Variants in CASD1 observed in about 807,000 individuals in gnomAD.
CASD1 encodes the protein CAS1 domain sialic acid O acetyltransferase 1, also known as N-acetylneuraminate (7)9-O-acetyltransferase.
CASD1 carries 41 observed loss-of-function variants against 100.0 expected under a neutral mutation model. The ratio of observed to expected loss-of-function variants is 0.41; its 90% CI spans 0.32 to 0.53. CASD1 has a LOEUF of 0.53. Ranked by LOEUF, CASD1 falls within the 20% of genes least tolerant of loss-of-function variation. The probability of loss-of-function intolerance (pLI) is 0.25; values close to 1 mark genes in which losing one functional copy is unlikely to be tolerated. For synonymous variants in CASD1, 321 were observed against 315.6 expected (o/e 1.02, Z -0.18); for missense variants, 774 against 948.7 (o/e 0.82, Z 2.42).
chr7:94,533,263 T>A lies in CASD1; in HGVS notation c.504+14T>A. 6.2e-7 allele frequency: 1 copy of A among 1,600,962 alleles called. No individual in the cohort carries two copies. Among genetic ancestry groups the A allele is most frequent in the Non-Finnish European group, 8.5e-7 (1 of 1,170,652 alleles). On this transcript the variant is annotated intron_variant, in intron 6 of 17. Coordinates refer to ENST00000297273, the MANE Select transcript of CASD1 (RefSeq NM_022900.5). The stretch of plus-strand genomic sequence containing the variant: ...GGAGCTGCCACAGTAAGTTATCATC[T>A]GTATTCTTACTTAATGATTTTGTTT...
At chr7:94,594,405 G>A in the CASD1 span, 1 of 152,018 alleles carries the variant, frequency 6.6e-6, no homozygotes, top group Non-Finnish European at 1.5e-5. Context: ...TACTATATGA[G>A]GGCATGAGGG....
chr7:94,519,424 A>G (rs1054111163), intron 3 of CASD1, among the ~76,000 whole-genome samples: 2 of 152,186 alleles, frequency 1.3e-5, no homozygotes, highest in Admixed American at 6.5e-5. Flanking sequence ...AAAACTTAAG[A>G]GCCTTCACAG....
chr7:94,618,816 T>C, the CASD1 span: 2 of 1,614,068 alleles, frequency 1.2e-6, no homozygotes, highest in Non-Finnish European at 1.7e-6. Flanking sequence ...AGGGCCGATG[T>C]GATGTTTATG....
the CASD1 span, among the ~76,000 whole-genome samples, chr7:94,605,401 C>T: frequency 6.6e-6 from 1 of 152,080 alleles, no homozygotes. Context: ...CTTAATTGAT[C>T]TAACAGATAA....
intron 3 of CASD1, among the ~76,000 whole-genome samples, chr7:94,526,221 T>A (rs1794557778): frequency 6.6e-6 from 1 of 152,216 alleles, no homozygotes; most frequent in African/African-American, 2.4e-5. Flanking sequence ...TTGCATGTCC[T>A]AGGTGGGCTG....
intron 1 of CASD1, 64 bp downstream of exon 1, chr7:94,510,281 G>A (rs757502477): frequency 8.0e-7 from 1 of 1,255,364 alleles, no homozygotes; most frequent in Non-Finnish European, 1.0e-6. Flanking sequence ...GCGGCTGGAG[G>A]CCGCCCCCAT....
intron 10 of CASD1, among the ~76,000 whole-genome samples, chr7:94,541,074 C>G (rs1795368976): frequency 6.6e-6 from 1 of 151,960 alleles, no homozygotes; most frequent in Admixed American, 6.6e-5. Context: ...AATCTGTGTT[C>G]TGGAAGGACA....
the CASD1 span, among the ~76,000 whole-genome samples, chr7:94,602,764 T>A: frequency 6.6e-6 from 1 of 152,146 alleles, no homozygotes; most frequent in African/African-American, 2.4e-5. Flanking sequence ...AAAATGTGAT[T>A]TGGAAAGAAA....
At chr7:94,540,355 T>G (rs747816650) in intron 10 of CASD1, among the ~76,000 whole-genome samples, 3 of 152,168 alleles carry the variant, frequency 2.0e-5, no homozygotes, top group African/African-American at 4.8e-5. Flanking sequence ...GAAAGGAGTA[T>G]TTTGAAGATT....
At position 94,556,925 on chromosome 7, in the gene CASD1, T is replaced by TA. The variant is rs1796229510; in HGVS notation, c.*1168dup. 6.6e-6 allele frequency: 1 copy of TA among 152,092 alleles called. No homozygotes were observed. Among genetic ancestry groups the TA allele is most frequent in the Admixed American group, 6.6e-5 (1 of 15,262 alleles). 9.4% of individuals were successfully genotyped at this position (152,092 alleles called of 1,614,324 possible). The stretch of plus-strand genomic sequence containing the variant: ...ATTTTCTGTTCACAGTATATGAAAA[T>TA]ATGGAGTAATTTAAACAGTAAATAA... On this transcript the variant is annotated 3_prime_UTR_variant, in exon 18 of 18. Transcript: ENST00000297273.
chr7:94,615,577 T>C, the CASD1 span, among the ~76,000 whole-genome samples: 1 of 152,090 alleles, frequency 6.6e-6, no homozygotes, highest in Non-Finnish European at 1.5e-5. Flanking sequence ...GCCTTTGACA[T>C]ACAGCAAAAA....
At chr7:94,574,668 C>CA in the CASD1 span, among the ~76,000 whole-genome samples, 345 of 134,354 alleles carry the variant, frequency 2.6e-3, no homozygotes, top group Admixed American at 4.9e-3. Flanking sequence ...TGATTTTTTT[C>CA]AAAAAAAAAA....
the CASD1 span, among the ~76,000 whole-genome samples, chr7:94,593,565 A>G: frequency 6.6e-6 from 1 of 152,006 alleles, no homozygotes; most frequent in Non-Finnish European, 1.5e-5. Flanking sequence ...TTCCCCAAGC[A>G]TAAGACTACA....
At chr7:94,528,822 C>CT (rs1405562008) in intron 5 of CASD1, among the ~76,000 whole-genome samples, 9 of 152,146 alleles carry the variant, frequency 5.9e-5, no homozygotes, top group Admixed American at 2.0e-4. Context: ...TCCATACAGT[C>CT]TGTCAGTCCT....
At chr7:94,526,669 T>C (rs1731269796) in intron 3 of CASD1, among the ~76,000 whole-genome samples, 1 of 152,164 alleles carries the variant, frequency 6.6e-6, no homozygotes, top group African/African-American at 2.4e-5. Context: ...GGCGTGCACC[T>C]GTGGTCCTAG....
At chr7:94,621,060 A>C in the CASD1 span, 1 of 152,288 alleles carries the variant, frequency 6.6e-6, no homozygotes, top group South Asian at 2.1e-4. Context: ...CTACATGACT[A>C]ATTTCCCATT....
At chr7:94,572,762 T>C in the CASD1 span, among the ~76,000 whole-genome samples, 1 of 152,168 alleles carries the variant, frequency 6.6e-6, no homozygotes, top group African/African-American at 2.4e-5. Context: ...TTTTTTGCTT[T>C]TGTTTTGATT....
At chr7:94,628,251 A>G in the CASD1 span, 1 of 1,612,110 alleles carries the variant, frequency 6.2e-7, no homozygotes, top group South Asian at 1.1e-5. Context: ...GGACCCATAT[A>G]GGACTCCATC....
At chr7:94,599,688 G>A in the CASD1 span, 4 of 1,609,062 alleles carry the variant, frequency 2.5e-6, no homozygotes, top group South Asian at 2.2e-5. Context: ...CAGGAAAGAA[G>A]ACACTTACTC....
Sources: allele counts gnomAD v4.1 joint callset (sites outside exome capture counted in the v4.1 genomes callset), GRCh38; gene constraint gnomAD v4.1.1; transcripts MANE v1.5; gene names NCBI Gene and HGNC (gene_info 2026-07-23, HGNC 2026-07-21).